The following MTHFD2L variants were observed in gnomAD, a reference collection of about 807,000 sequenced individuals.
MTHFD2L encodes bifunctional methylenetetrahydrofolate dehydrogenase/cyclohydrolase 2, mitochondrial.
A neutral mutation model predicts 34.9 loss-of-function variants in MTHFD2L; 29 were observed. That is an observed-to-expected ratio of 0.83 (90% CI 0.62 to 1.13). MTHFD2L has a LOEUF of 1.13. Ranked by LOEUF, MTHFD2L falls within the 50% of genes most tolerant of loss-of-function variation. The pLI, the probability that MTHFD2L is intolerant of heterozygous loss-of-function variation, is 0.00. For synonymous variants in MTHFD2L, 167 were observed against 155.7 expected, an observed-to-expected ratio of 1.07 and a Z score of -0.54; for missense variants, 481 against 446.5, an observed-to-expected ratio of 1.08 and a Z score of -0.70.
At chr4:74,124,095 G>A (rs1167702526), upstream of MTHFD2L, among the ~76,000 whole-genome samples, 1 of 151,886 alleles carries the variant, frequency 6.6e-6, no homozygotes, top group Admixed American at 6.6e-5. Context: ...AATTGAACTA[G>A]GTAACCACGT....
At chr4:74,276,725 C>T (rs1198891279) in intron 6 of MTHFD2L, among the ~76,000 whole-genome samples, 1 of 152,114 alleles carries the variant, frequency 6.6e-6, no homozygotes, top group Non-Finnish European at 1.5e-5. Flanking sequence ...CAACTATATG[C>T]TTCCGATCAT....
At chr4:74,169,992 C>G (rs915584332) in intron 1 of MTHFD2L, among the ~76,000 whole-genome samples, 1 of 152,130 alleles carries the variant, frequency 6.6e-6, no homozygotes, top group South Asian at 2.1e-4. Context: ...TAGGTTTAAA[C>G]CTTCCCAGAA....
chr4:74,204,097 G>T (rs144436724), intron 5 of MTHFD2L, among the ~76,000 whole-genome samples: 2 of 152,242 alleles, frequency 1.3e-5, no homozygotes, highest in African/African-American at 4.8e-5. Flanking sequence ...CTAAGGCCAT[G>T]CAAGGAAACA....
chr4:74,198,862 A>G (rs1733928625), intron 3 of MTHFD2L, among the ~76,000 whole-genome samples: 1 of 59,116 alleles, frequency 1.7e-5, no homozygotes, highest in African/African-American at 6.7e-5. Flanking sequence ...TAATCTAATT[A>G]TGGTTAATTA....
intron 1 of MTHFD2L, among the ~76,000 whole-genome samples, chr4:74,167,674 T>C (rs1487201113): frequency 2.0e-5 from 3 of 151,694 alleles, no homozygotes; most frequent in Non-Finnish European, 4.4e-5. Context: ...GAAGGAAGAG[T>C]GTTTCAGGCA....
rs545510630 is a variant in MTHFD2L, at chr4:74,126,752, A to G, written c.-297+1235A>G. Among the ~76,000 whole-genome samples the G allele has an allele frequency of 1.2e-4, 19 of 152,208 alleles. No homozygotes were observed. In the East Asian group the frequency reaches 2.5e-3, roughly 20 times the overall value. On this transcript the variant is annotated intron_variant, in intron 1 of 7. Transcript: ENST00000433372. ...TCTTTTATTGTCATGTACTTGTATG[A>G]TTATTGTATACTTTATATTTTTTTA...
upstream of MTHFD2L, among the ~76,000 whole-genome samples, chr4:74,124,982 G>A (rs1721972431): frequency 6.6e-6 from 1 of 151,986 alleles, no homozygotes; most frequent in East Asian, 1.9e-4. Context: ...ACATGGTACT[G>A]ACATCTGGTT....
At chr4:74,269,183 A>G (rs867006891) in intron 6 of MTHFD2L, among the ~76,000 whole-genome samples, 39 of 152,284 alleles carry the variant, frequency 2.6e-4, no homozygotes, top group Middle Eastern at 3.4e-3. Context: ...TTATCATCTC[A>G]ATTACTTTTG....
intron 6 of MTHFD2L, chr4:74,268,029 G>C: frequency 1.0e-6 from 1 of 985,030 alleles, no homozygotes; most frequent in Non-Finnish European, 1.2e-6. Flanking sequence ...AGGCATGATA[G>C]GCATATCTGT....
chr4:74,156,743 C>A (rs1275427607), upstream of MTHFD2L: 2 of 152,094 alleles, frequency 1.3e-5, no homozygotes, highest in African/African-American at 4.8e-5. Flanking sequence ...TGGACTTCAG[C>A]GGTTCTAATG....
chr4:74,272,048 T>G (rs961898960), intron 6 of MTHFD2L, among the ~76,000 whole-genome samples: 1 of 152,200 alleles, frequency 6.6e-6, no homozygotes, highest in African/African-American at 2.4e-5. Flanking sequence ...ACAAAAATTC[T>G]GGCATCGCTT....
intron 5 of MTHFD2L, among the ~76,000 whole-genome samples, chr4:74,222,156 T>C (rs540822504): frequency 4.6e-5 from 7 of 152,226 alleles, no homozygotes; most frequent in African/African-American, 1.7e-4. Flanking sequence ...TCTTTGCCCT[T>C]TCTCATTCTA....
intron 1 of MTHFD2L, among the ~76,000 whole-genome samples, chr4:74,151,881 T>G (rs1219415557): frequency 6.6e-6 from 1 of 152,202 alleles, no homozygotes; most frequent in Non-Finnish European, 1.5e-5. Context: ...CCCTACAGGT[T>G]CATTGTTAGG....
chr4:74,196,309 A>G (rs1733454384), intron 3 of MTHFD2L, among the ~76,000 whole-genome samples: 1 of 152,210 alleles, frequency 6.6e-6, no homozygotes, highest in South Asian at 2.1e-4. Flanking sequence ...TAGTAGTGAA[A>G]AAAATCATCA....
chr4:74,160,020 T>A (rs1386321425), intron 1 of MTHFD2L: 3 of 1,271,408 alleles, frequency 2.4e-6, no homozygotes, highest in Admixed American at 5.1e-5. Flanking sequence ...TCGGACAGTG[T>A]GTTGATGCTT....
intron 6 of MTHFD2L, among the ~76,000 whole-genome samples, chr4:74,277,068 C>T (rs1746751101): frequency 6.6e-6 from 1 of 151,678 alleles, no homozygotes; most frequent in Non-Finnish European, 1.5e-5. Context: ...ATGAGGACAG[C>T]ATGGAGGAGC....
At chr4:74,282,215 C>A (rs529272624) in intron 7 of MTHFD2L, among the ~76,000 whole-genome samples, 1 of 152,068 alleles carries the variant, frequency 6.6e-6, no homozygotes, top group African/African-American at 2.4e-5. Context: ...ATTTTACTTC[C>A]GTTATCTTTG....
At chr4:74,155,554 A>G (rs1724185201), upstream of MTHFD2L, among the ~76,000 whole-genome samples, 1 of 152,162 alleles carries the variant, frequency 6.6e-6, no homozygotes, top group South Asian at 2.1e-4. Context: ...TGTTAATTAC[A>G]TTTCTACAAT....
intron 1 of MTHFD2L, among the ~76,000 whole-genome samples, chr4:74,166,452 T>A (rs1023453615): frequency 6.6e-6 from 1 of 152,272 alleles, no homozygotes; most frequent in African/African-American, 2.4e-5. Context: ...TATGATTTTT[T>A]AAATTAGTTT....
Sources: gnomAD v4.1 joint callset for allele counts (sites outside exome capture counted in the v4.1 genomes callset) on GRCh38, gnomAD v4.1.1 for gene constraint, MANE v1.5 for transcripts, NCBI Gene and HGNC (gene_info 2026-07-23, HGNC 2026-07-21) for gene names.